The following FAM222A variants were observed in gnomAD, a reference collection of about 807,000 sequenced individuals.
FAM222A encodes the protein protein FAM222A.
In FAM222A, 7 loss-of-function variants were observed where a neutral mutation model predicts 25.8. The ratio of observed to expected loss-of-function variants is 0.27; its 90% confidence interval spans 0.15 to 0.51. FAM222A has a LOEUF of 0.51. Among genes scored for constraint, FAM222A ranks in the 20% least tolerant of loss-of-function variants. The probability of loss-of-function intolerance (pLI) is 0.97; values close to 1 mark genes in which losing one functional copy is unlikely to be tolerated. For missense variants in FAM222A, 573 were observed against 640.5 expected (o/e 0.89, Z 1.14); for synonymous variants, 294 against 298.8 (o/e 0.98, Z 0.17).
chr12:109,729,923 T>C (rs1887913747), intron 1 of FAM222A, among the ~76,000 whole-genome samples: 1 of 152,254 alleles, frequency 6.6e-6, no homozygotes, highest in African/African-American at 2.4e-5. Flanking sequence ...ATGGGGCAGC[T>C]AGCTGACCTG....
At chr12:109,747,240 C>T (rs1425757966) in intron 2 of FAM222A, among the ~76,000 whole-genome samples, 1 of 152,116 alleles carries the variant, frequency 6.6e-6, no homozygotes, top group East Asian at 1.9e-4. Context: ...ATTATAGGCA[C>T]GCGCTACCAC....
chr12:109,735,764 A>T (rs1888068886), intron 1 of FAM222A: 1 of 152,210 alleles, frequency 6.6e-6, no homozygotes, highest in Non-Finnish European at 1.5e-5. Context: ...CCCCATTATG[A>T]CATCGTAGTA....
At chr12:109,745,667 G>GGTTTT (rs1225074120) in intron 2 of FAM222A, among the ~76,000 whole-genome samples, 4 of 152,198 alleles carry the variant, frequency 2.6e-5, no homozygotes, top group Admixed American at 6.5e-5. Flanking sequence ...ATGTGGGTTT[G>GGTTTT]GTTTTGTTTT....
chr12:109,721,358 C>T (rs368088060), intron 1 of FAM222A, among the ~76,000 whole-genome samples: 5 of 152,222 alleles, frequency 3.3e-5, no homozygotes, highest in Non-Finnish European at 7.3e-5. Context: ...CACCTTCCCC[C>T]ACCCCTCCCA....
Position 109,733,688 on chromosome 12 carries a change from G to A in FAM222A, c.-46-10413G>A, listed in dbSNP as rs1163445530. Among the ~76,000 whole-genome samples, 3 of 152,308 alleles carry A rather than the reference G, an allele frequency of 2.0e-5. No homozygotes were observed. The East Asian group carries it at 5.8e-4, about 29-fold the overall frequency. On this transcript the variant is annotated intron_variant, in intron 1 of 2. Transcript: ENST00000538780. Reference sequence around the variant, plus strand: ...AAAAGTGCTGGGATTACAGGTGTGAGCCACCACGCCCGGCCCCCATTATTA... The same window carrying A: ...AAAAGTGCTGGGATTACAGGTGTGAACCACCACGCCCGGCCCCCATTATTA...
At chr12:109,743,478 C>T (rs1888301516) in intron 1 of FAM222A, among the ~76,000 whole-genome samples, 1 of 152,190 alleles carries the variant, frequency 6.6e-6, no homozygotes, top group East Asian at 1.9e-4. Flanking sequence ...GATCTCGGGT[C>T]AGGGCAGCCT....
At chr12:109,750,039 T>C (rs1888518241) in intron 2 of FAM222A, among the ~76,000 whole-genome samples, 1 of 152,202 alleles carries the variant, frequency 6.6e-6, no homozygotes, top group South Asian at 2.1e-4. Context: ...GTTTAGCCCA[T>C]TTACATTTAT....
intron 1 of FAM222A, among the ~76,000 whole-genome samples, chr12:109,719,070 G>T (rs914618229): frequency 2.0e-4 from 30 of 152,242 alleles, no homozygotes; most frequent in Admixed American, 9.8e-4. Flanking sequence ...GACCTGCCCA[G>T]ACCACACAGC....
chr12:109,724,129 T>G (rs1887799236), intron 1 of FAM222A, among the ~76,000 whole-genome samples: 1 of 152,198 alleles, frequency 6.6e-6, no homozygotes, highest in African/African-American at 2.4e-5. Flanking sequence ...GAGATCTGAC[T>G]GCAGAGAGGC....
intron 1 of FAM222A, chr12:109,720,218 G>A (rs1337768682): frequency 8.1e-6 from 8 of 982,456 alleles, no homozygotes; most frequent in African/African-American, 1.7e-5. Flanking sequence ...TTGTGCAGAG[G>A]GCACAGGGGA....
intron 1 of FAM222A, among the ~76,000 whole-genome samples, chr12:109,726,472 T>G (rs1343593531): frequency 1.3e-5 from 2 of 152,210 alleles, no homozygotes; most frequent in Non-Finnish European, 2.9e-5. Flanking sequence ...TGGCCCCAGA[T>G]CACTGGCTGC....
At chr12:109,724,216 C>T (rs1417982099) in intron 1 of FAM222A, among the ~76,000 whole-genome samples, 1 of 152,268 alleles carries the variant, frequency 6.6e-6, no homozygotes, top group Non-Finnish European at 1.5e-5. Context: ...TGGCACGTGC[C>T]ATGCCATGGT....
In FAM222A at chr12:109,714,700, TC is replaced by T. The variant is rs906189538; in HGVS notation, c.-237del. 20 of 151,470 alleles carry T rather than the reference TC, an allele frequency of 1.3e-4. No individual in the cohort carries two copies. The highest frequency in any genetic ancestry group is 2.5e-4 in the Non-Finnish European group (17 of 67,856). The allele number at this position is 151,470 out of a possible 1,614,324, so 9.4% of individuals were successfully genotyped here. On this transcript the variant is annotated 5_prime_UTR_variant, in exon 1 of 3. Coordinates refer to ENST00000538780, the MANE Select transcript of FAM222A (RefSeq NM_032829.3). The surrounding 1 kb of genome is among the most constrained non-coding windows in gnomAD (Gnocchi z 4.2). Reference sequence around the variant, plus strand: ...ACCCCTGCTGAACGGAGACCTCCCCTCCCCCCCGACTTCGGACGGCGCAGGC... The same window carrying T: ...ACCCCTGCTGAACGGAGACCTCCCCTCCCCCCGACTTCGGACGGCGCAGGC...
chr12:109,758,863 C>G (rs1403968020), intron 2 of FAM222A, among the ~76,000 whole-genome samples: 1 of 152,166 alleles, frequency 6.6e-6, no homozygotes, highest in East Asian at 1.9e-4. Flanking sequence ...CCCTTGCTCC[C>G]CCATTTCAAC....
At position 109,768,968 on chromosome 12, in the gene FAM222A, G is replaced by A. The variant is rs778730265; in HGVS notation, c.1039G>A (p.Ala347Thr). The change falls in exon 3 of 3, where the codon GCC (alanine) becomes ACC (threonine). Residue 347 changes from alanine to threonine, a missense_variant. Around this residue, in one of 3 missense-constraint regions of FAM222A, gnomAD observed 412 missense variants for 407.0 expected, o/e 1.01. Transcript: ENST00000538780. Reference sequence around the variant, plus strand: ...CTTCACCGTAGGCCAGTACTTTGCGGCCCCGTGGAACAGTGTGCTGGTGAC... The same window carrying A: ...CTTCACCGTAGGCCAGTACTTTGCGACCCCGTGGAACAGTGTGCTGGTGAC... ...TSFTVGQYFAAPWNSVLVTPT... is the reference protein window; with the variant it reads ...TSFTVGQYFATPWNSVLVTPT... The A allele has an allele frequency of 6.4e-7, 1 of 1,571,392 alleles. No individual in the cohort carries two copies. The highest frequency in any genetic ancestry group is 8.6e-7 in the Non-Finnish European group (1 of 1,163,452).
chr12:109,717,232 C>T (rs1453743320), intron 1 of FAM222A, among the ~76,000 whole-genome samples: 3 of 152,218 alleles, frequency 2.0e-5, no homozygotes, highest in Non-Finnish European at 2.9e-5. Flanking sequence ...TAACAACTTC[C>T]GCCCGGCCTT....
intron 1 of FAM222A, among the ~76,000 whole-genome samples, chr12:109,736,870 C>T (rs1281935415): frequency 2.6e-5 from 4 of 152,164 alleles, no homozygotes; most frequent in East Asian, 3.9e-4. Flanking sequence ...TACCCCCAGA[C>T]CCCAGCTGTG....
chr12:109,743,304 G>C (rs539899597), intron 1 of FAM222A, among the ~76,000 whole-genome samples: 1 of 152,212 alleles, frequency 6.6e-6, no homozygotes, highest in Non-Finnish European at 1.5e-5. Flanking sequence ...CTGCAGGAGA[G>C]TGGGTTTGGG....
rs555877017 is a variant in FAM222A, at chr12:109,751,522, G to A, written c.82+7294G>A. On this transcript the variant is annotated intron_variant, in intron 2 of 2. Transcript: ENST00000538780. Reference sequence around the variant, plus strand: ...AATGAGTTTTTCCCAGTCCATTTGCGGGAGCTTCAGGTTGGGGAAAAGCCA... The same window carrying A: ...AATGAGTTTTTCCCAGTCCATTTGCAGGAGCTTCAGGTTGGGGAAAAGCCA... Among the ~76,000 whole-genome samples the A allele has an allele frequency of 8.5e-5, 13 of 152,218 alleles. No homozygotes were observed. The South Asian group carries it at 2.3e-3, about 27-fold the overall frequency.
Sources: gnomAD v4.1 joint callset for allele counts (sites outside exome capture counted in the v4.1 genomes callset) on GRCh38, gnomAD v4.1.1 for gene constraint, gnomAD v4.1.1 regional missense constraint, Gnocchi (gnomAD v3.1) non-coding constraint, MANE v1.5 for transcripts, NCBI Gene and HGNC (gene_info 2026-07-23, HGNC 2026-07-21) for gene names.